Variants in CRISP1 observed in about 807,000 individuals in gnomAD.
CRISP1 encodes cysteine rich secretory protein 1.
CRISP1 carries 44 observed loss-of-function variants against 33.1 expected under a neutral mutation model. The observed-to-expected ratio is 1.33, with a 90% CI of 1.05 to 1.71. CRISP1 has a LOEUF of 1.71. Among genes scored for constraint, CRISP1 ranks in the 40% most tolerant of loss-of-function variants. CRISP1 has a pLI of 0.00. For synonymous variants in CRISP1, 103 were observed against 98.7 expected, an observed-to-expected ratio of 1.04 and a Z score of -0.26; for missense variants, 390 against 301.2, an observed-to-expected ratio of 1.29 and a Z score of -2.18.
Position 49,838,537 on chromosome 6 carries a change from A to G in CRISP1, c.534-12T>C. 1 of 1,602,276 alleles carries G rather than the reference A, an allele frequency of 6.2e-7. No homozygotes were observed. The highest frequency in any genetic ancestry group is 1.1e-5 in the South Asian group (1 of 89,668). ...CAGGATCATTTCCCCTTGAATAAAA[A>G]AAAGTGATTTCATAAAACCCATCTT... On this transcript the variant is annotated splice_polypyrimidine_tract_variant and intron_variant, in intron 6 of 7. Transcript: ENST00000335847.
In CRISP1 at chr6:49,852,899, C is replaced by G. The variant is rs1771394233; in HGVS notation, c.67-770G>C. 2.8e-5 allele frequency among the ~76,000 whole-genome samples: 4 copies of G among 143,846 alleles called. No individual in the cohort carries two copies. In the South Asian group the frequency reaches 9.1e-4, roughly 33 times the overall value. The allele number at this position is 143,846 out of a possible 152,430, so 94.4% of individuals were successfully genotyped here. Reference sequence around the variant, plus strand: ...GTGTGTGTGTGTGATATCACATGTACTTCATACCTTTTTTAAAAAATGTGG... The same window carrying G: ...GTGTGTGTGTGTGATATCACATGTAGTTCATACCTTTTTTAAAAAATGTGG... On this transcript the variant is annotated intron_variant, in intron 2 of 7. Coordinates refer to ENST00000335847, the MANE Select transcript of CRISP1 (RefSeq NM_001131.3).
At chr6:49,846,148 T>C (rs1436727962) in intron 5 of CRISP1, among the ~76,000 whole-genome samples, 1 of 152,198 alleles carries the variant, frequency 6.6e-6, no homozygotes, top group African/African-American at 2.4e-5. Flanking sequence ...ATAGTTAAAA[T>C]GGTAATTTTT....
upstream of CRISP1, among the ~76,000 whole-genome samples, chr6:49,871,307 G>A (rs565618672): frequency 6.6e-6 from 1 of 152,166 alleles, no homozygotes; most frequent in South Asian, 2.1e-4. Flanking sequence ...AGGTTACATT[G>A]TAATGATCAC....
At chr6:49,843,014 A>C (rs1031677268) in intron 5 of CRISP1, among the ~76,000 whole-genome samples, 4 of 152,198 alleles carry the variant, frequency 2.6e-5, no homozygotes, top group African/African-American at 9.6e-5. Context: ...ACACCGATTC[A>C]CTTTGAAGGA....
chr6:49,875,693 G>C (rs1772020878), intron 1 of CRISP1, among the ~76,000 whole-genome samples: 1 of 151,790 alleles, frequency 6.6e-6, no homozygotes, highest in Non-Finnish European at 1.5e-5. Flanking sequence ...ACTGGTACAA[G>C]AACAGATACA....
rs75992045 is a variant in CRISP1, at chr6:49,857,964, G to A, written c.-2-562C>T. On this transcript the variant is annotated intron_variant, in intron 1 of 7. Transcript: ENST00000335847. ...TGACATTCTGATTTTAGCCTAGGAA[G>A]ACCTATTTGAATTTCTGACCTCCAG... Among the ~76,000 whole-genome samples the A allele has an allele frequency of 1.0e-2, 1,516 of 152,240 alleles. 28 individuals are homozygous for A. Among genetic ancestry groups the A allele is most frequent in the African/African-American group, 0.034 (1,400 of 41,560 alleles).
At chr6:49,864,401 TG>T (rs1771742877) in intron 1 of CRISP1, among the ~76,000 whole-genome samples, 1 of 151,550 alleles carries the variant, frequency 6.6e-6, no homozygotes, top group South Asian at 2.1e-4. Flanking sequence ...TGTGTGTGTG[TG>T]TGTGTGTGTG....
At chr6:49,852,846 T>TTGTGTGTGTGTGTGTG (rs3056388) in intron 2 of CRISP1, among the ~76,000 whole-genome samples, 1 of 145,438 alleles carries the variant, frequency 6.9e-6, no homozygotes, top group African/African-American at 2.5e-5. Context: ...AAGAGAATCT[T>TTGTGTGTGTGTGTGTG]TGTGTGTGTG....
At chr6:49,872,864 G>A (rs909412881) in intron 1 of CRISP1, among the ~76,000 whole-genome samples, 1 of 152,122 alleles carries the variant, frequency 6.6e-6, no homozygotes, top group Non-Finnish European at 1.5e-5. Context: ...TTTTGGCTTA[G>A]GATTGGCTTG....
intron 1 of CRISP1, among the ~76,000 whole-genome samples, chr6:49,875,161 A>G (rs1425507374): frequency 1.3e-5 from 2 of 152,024 alleles, no homozygotes; most frequent in Non-Finnish European, 2.9e-5. Flanking sequence ...AGAAAACTCC[A>G]TTGTCTCATC....
chr6:49,843,448 T>A (rs1771057785), intron 5 of CRISP1, among the ~76,000 whole-genome samples: 1 of 152,202 alleles, frequency 6.6e-6, no homozygotes, highest in Non-Finnish European at 1.5e-5. Flanking sequence ...TTAGATTTTG[T>A]GTAACTTACC....
chr6:49,856,980 T>C (rs374554595), intron 2 of CRISP1, among the ~76,000 whole-genome samples: 9 of 152,210 alleles, frequency 5.9e-5, no homozygotes, highest in Non-Finnish European at 1.2e-4. Context: ...ATTCTTGTTA[T>C]AGTAAAAAAT....
intron 2 of CRISP1, among the ~76,000 whole-genome samples, chr6:49,856,994 A>G (rs1771513434): frequency 6.6e-6 from 1 of 152,176 alleles, no homozygotes; most frequent in South Asian, 2.1e-4. Flanking sequence ...AAAAAATTAT[A>G]TAGCTAATCT....
intron 6 of CRISP1, among the ~76,000 whole-genome samples, chr6:49,840,243 A>T (rs940655459): frequency 6.6e-6 from 1 of 152,188 alleles, no homozygotes; most frequent in Non-Finnish European, 1.5e-5. Context: ...TCCTTGTCTT[A>T]CTTGATCTTG....
At chr6:49,845,112 C>T (rs373173122) in intron 5 of CRISP1, among the ~76,000 whole-genome samples, 12 of 152,286 alleles carry the variant, frequency 7.9e-5, no homozygotes, top group East Asian at 5.8e-4. Context: ...GTACCTCTAA[C>T]TTCCATCCAG....
intron 5 of CRISP1, 117 bp downstream of exon 5, chr6:49,846,403 A>G (rs1338733116): frequency 9.4e-7 from 1 of 1,058,300 alleles, no homozygotes; most frequent in Admixed American, 2.4e-5. Flanking sequence ...GGAACTCAGT[A>G]AATTGAGTAA....
intron 1 of CRISP1, among the ~76,000 whole-genome samples, chr6:49,872,251 G>A (rs1483196488): frequency 1.3e-5 from 2 of 151,692 alleles, no homozygotes; most frequent in African/African-American, 4.8e-5. Flanking sequence ...GGGGTTGTTT[G>A]TTTTTTTCTT....
chr6:49,848,982 C>G (rs999660488), intron 3 of CRISP1, among the ~76,000 whole-genome samples: 1 of 152,054 alleles, frequency 6.6e-6, no homozygotes, highest in African/African-American at 2.4e-5. Context: ...CGGGGTCACA[C>G]TATAAATAAC....
chr6:49,862,636 T>C (rs1438756079), intron 1 of CRISP1, among the ~76,000 whole-genome samples: 2 of 152,134 alleles, frequency 1.3e-5, no homozygotes, highest in Non-Finnish European at 2.9e-5. Context: ...CCTGGGATTA[T>C]GGTTACTTTG....
Sources: allele counts gnomAD v4.1 joint callset (sites outside exome capture counted in the v4.1 genomes callset), GRCh38; gene constraint gnomAD v4.1.1; transcripts MANE v1.5; gene names NCBI Gene and HGNC (gene_info 2026-07-23, HGNC 2026-07-21).